ASB7: variants seen among roughly 807,000 people sequenced by gnomAD.
The protein encoded by ASB7 is ankyrin repeat and SOCS box protein 7.
ASB7 carries 4 observed loss-of-function variants against 32.5 expected under a neutral mutation model. The ratio of observed to expected loss-of-function variants is 0.12; its 90% CI spans 0.06 to 0.28. The LOEUF is 0.28. Among genes scored for constraint, ASB7 ranks in the 10% least tolerant of loss-of-function variants. ASB7 has a pLI of 1.00. For synonymous variants in ASB7, 172 were observed against 155.6 expected, an observed-to-expected ratio of 1.11 and a Z score of -0.78; for missense variants, 181 against 407.1, an observed-to-expected ratio of 0.44 and a Z score of 4.78.
intron 5 of ASB7, among the ~76,000 whole-genome samples, chr15:100,639,525 A>T (rs2039947148): frequency 6.6e-6 from 1 of 152,176 alleles, no homozygotes; most frequent in African/African-American, 2.4e-5. Context: ...GTTCGCACAA[A>T]ATGCCTCTAA....
chr15:100,635,210 G>C (rs1468751504), intron 5 of ASB7, among the ~76,000 whole-genome samples: 1 of 152,148 alleles, frequency 6.6e-6, no homozygotes, highest in East Asian at 1.9e-4. Flanking sequence ...CCTCAGAGCT[G>C]CTGCTTATTA....
chr15:100,636,756 T>TTTTA (rs952914042), intron 5 of ASB7, among the ~76,000 whole-genome samples: 1 of 152,234 alleles, frequency 6.6e-6, no homozygotes, highest in African/African-American at 2.4e-5. Context: ...AAAAATTGTT[T>TTTTA]TTTATTTATT....
intron 1 of ASB7, 55 bp downstream of exon 1, chr15:100,603,101 G>A (rs945636228): frequency 2.0e-5 from 8 of 398,868 alleles, no homozygotes; most frequent in African/African-American, 1.0e-4. Flanking sequence ...GGGTAGGAGG[G>A]AGGAAAATCT....
chr15:100,630,656 A>G (rs1028488406), intron 5 of ASB7, among the ~76,000 whole-genome samples: 5 of 152,076 alleles, frequency 3.3e-5, no homozygotes, highest in African/African-American at 1.2e-4. Flanking sequence ...CTTCCATTGT[A>G]TTTGAACGTT....
intron 5 of ASB7, chr15:100,645,629 C>T (rs932433147): frequency 3.2e-5 from 30 of 940,400 alleles, no homozygotes; most frequent in Middle Eastern, 2.3e-4. Context: ...GGTAGGAGAC[C>T]GTTTTACTGA....
chr15:100,603,061 TTCC>T lies in ASB7; in HGVS notation c.-273+16_-273+18del. ...TGAGGAGACAGGTAAAGTCCTTTAC[TTCC>T]CCCGAGGGGAAGAGTGCTGGCTGGG... On this transcript the variant is annotated intron_variant, in intron 1 of 5. Coordinates refer to ENST00000332783, the MANE Select transcript of ASB7 (RefSeq NM_198243.3). 2.5e-6 allele frequency: 1 copy of T among 399,166 alleles called. No individual in the cohort carries two copies. The highest frequency in any genetic ancestry group is 1.3e-4 in the South Asian group (1 of 7,872). The allele number at this position is 399,166 out of a possible 1,614,324, so 24.7% of individuals were successfully genotyped here.
chr15:100,617,859 C>T (rs2039757091), intron 4 of ASB7, among the ~76,000 whole-genome samples: 1 of 152,166 alleles, frequency 6.6e-6, no homozygotes, highest in South Asian at 2.1e-4. Context: ...AGTAATTGTT[C>T]CTCAGTTTTA....
chr15:100,648,527 C>A lies in ASB7; in HGVS notation c.*65C>A. ...GATACTTAAAAGGCTTTTTGCCTTG[C>A]ACAAAGTATATCCTATGCAATTTCT... On this transcript the variant is annotated 3_prime_UTR_variant, in exon 6 of 6. Transcript: ENST00000332783. 1 of 1,372,508 alleles carries A rather than the reference C, an allele frequency of 7.3e-7. No individual in the cohort carries two copies. The highest frequency in any genetic ancestry group is 1.0e-6 in the Non-Finnish European group (1 of 997,544). 85.0% of individuals were successfully genotyped at this position (1,372,508 alleles called of 1,614,324 possible). A position where few individuals can be genotyped will look rare whatever the true frequency, so the allele number is the denominator to read the frequency against.
At chr15:100,627,656 A>G (rs62019337) in intron 4 of ASB7, among the ~76,000 whole-genome samples, 42,923 of 151,922 alleles carry the variant, frequency 0.28, 7,193 homozygotes, top group South Asian at 0.42. Flanking sequence ...AGTGTTTTGT[A>G]ACATAATTTT....
At chr15:100,626,226 A>G (rs1015284449) in intron 4 of ASB7, among the ~76,000 whole-genome samples, 1 of 152,232 alleles carries the variant, frequency 6.6e-6, no homozygotes, top group African/African-American at 2.4e-5. Context: ...AAATATTTAC[A>G]AGACACATCT....
intron 3 of ASB7, 86 bp from the exon 4 acceptor site, chr15:100,612,080 A>C (rs867060849): frequency 6.6e-6 from 5 of 761,552 alleles, no homozygotes; most frequent in African/African-American, 5.2e-5. Context: ...TGATGTAGCA[A>C]ATGGAATGTT....
intron 2 of ASB7, among the ~76,000 whole-genome samples, chr15:100,604,442 G>T (rs921735053): frequency 3.3e-5 from 5 of 152,048 alleles, no homozygotes; most frequent in African/African-American, 4.8e-5. Context: ...AATTGTTTAG[G>T]GAATTTTTGT....
chr15:100,649,241 A>G lies in ASB7; in HGVS notation c.*779A>G, dbSNP rs975861401. 12 of 152,334 alleles carry G rather than the reference A, an allele frequency of 7.9e-5. No homozygotes were observed. Among genetic ancestry groups the G allele is most frequent in the African/African-American group, 2.4e-4 (10 of 41,398 alleles). The allele number at this position is 152,334 out of a possible 1,614,324, so 9.4% of individuals were successfully genotyped here. On this transcript the variant is annotated 3_prime_UTR_variant, in exon 6 of 6. Coordinates refer to ENST00000332783, the MANE Select transcript of ASB7 (RefSeq NM_198243.3). ...TTTTTAAAACTGTGCCTGCAGTGCA[A>G]TACTCCTTCTGGTGTATTTTATCCA...
intron 5 of ASB7, among the ~76,000 whole-genome samples, chr15:100,640,342 G>A (rs1299408122): frequency 6.6e-6 from 1 of 151,932 alleles, no homozygotes; most frequent in Non-Finnish European, 1.5e-5. Flanking sequence ...ATGGGGTTTC[G>A]CCATGATGGT....
At chr15:100,614,894 C>T (rs1315433149) in intron 4 of ASB7, among the ~76,000 whole-genome samples, 2 of 152,186 alleles carry the variant, frequency 1.3e-5, no homozygotes, top group Non-Finnish European at 2.9e-5. Flanking sequence ...GAATCTTTCT[C>T]TCTGTATATA....
At chr15:100,612,659 G>A (rs749026935) in intron 4 of ASB7, 27 of 563,662 alleles carry the variant, frequency 4.8e-5, no homozygotes, top group Middle Eastern at 4.7e-4. Context: ...TGTCTGTACA[G>A]CCAGGTTTGC....
intron 5 of ASB7, among the ~76,000 whole-genome samples, chr15:100,637,462 T>A (rs1011200084): frequency 1.3e-5 from 2 of 152,196 alleles, no homozygotes; most frequent in African/African-American, 4.8e-5. Flanking sequence ...CAAAAGTGAT[T>A]TTTTGATCTC....
intron 5 of ASB7, among the ~76,000 whole-genome samples, chr15:100,632,616 C>T (rs59162920): frequency 0.018 from 2,741 of 152,148 alleles, 81 homozygotes; most frequent in African/African-American, 0.062. Flanking sequence ...CTGTGGGCAC[C>T]GCAGCCCCAG....
At chr15:100,606,369 A>G (rs565669223) in intron 2 of ASB7, among the ~76,000 whole-genome samples, 9 of 152,210 alleles carry the variant, frequency 5.9e-5, no homozygotes, top group South Asian at 4.1e-4. Context: ...TGCATCACTT[A>G]ATCAGAAATG....
Sources: gnomAD v4.1 joint callset for allele counts (sites outside exome capture counted in the v4.1 genomes callset) on GRCh38, gnomAD v4.1.1 for gene constraint, MANE v1.5 for transcripts, NCBI Gene and HGNC (gene_info 2026-07-23, HGNC 2026-07-21) for gene names.